Variants in C17orf75 observed in about 807,000 individuals in gnomAD.
C17orf75 encodes the protein chromosome 17 open reading frame 75.
In C17orf75, 32 loss-of-function variants were observed where a neutral mutation model predicts 49.6. The observed-to-expected ratio is 0.65, with a 90% CI of 0.49 to 0.87. C17orf75 has a LOEUF of 0.87. Ranked by LOEUF, C17orf75 falls within the 40% of genes least tolerant of loss-of-function variation. The pLI, the probability that C17orf75 is intolerant of heterozygous loss-of-function variation, is 0.00. For synonymous variants in C17orf75, 158 were observed against 159.5 expected (o/e 0.99, Z 0.07); for missense variants, 428 against 473.9 (o/e 0.90, Z 0.90).
chr17:32,334,636 C>A (rs375251296), intron 7 of C17orf75, 31 bp from the exon 8 acceptor site: 1 of 1,608,216 alleles, frequency 6.2e-7, no homozygotes, highest in Non-Finnish European at 8.5e-7. Flanking sequence ...TTTCCACAAA[C>A]AATATTGCAG....
chr17:32,337,039 T>C (rs2041332436), intron 5 of C17orf75, among the ~76,000 whole-genome samples: 1 of 152,120 alleles, frequency 6.6e-6, no homozygotes, highest in Non-Finnish European at 1.5e-5. Flanking sequence ...TGGTACCAGC[T>C]ACTTGGGAGG....
rs1422057043 is a variant in C17orf75 at position 32,339,866 on chromosome 17, A to G, written c.294T>C (p.Leu98=). Residue 98 remains leucine (L), a synonymous_variant, in exon 3 of 10, where the codon CTT becomes CTC. Transcript: ENST00000577809. ...PELRSFIAKR[L]SRGAVFEGLG... Reference sequence around the variant, plus strand: ...GCCCTTCAAAGACTGCACCTCTTGAAAGACGCTTAGCAATGAAACTGCGCA... The same window carrying G: ...GCCCTTCAAAGACTGCACCTCTTGAGAGACGCTTAGCAATGAAACTGCGCA... 6.2e-7 allele frequency: 1 copy of G among 1,613,914 alleles called. No homozygotes were observed. Among genetic ancestry groups the G allele is most frequent in the South Asian group, 1.1e-5 (1 of 91,088 alleles).
chr17:32,338,460 T>G, intron 3 of C17orf75, 109 bp from the exon 4 acceptor site: 1 of 1,089,938 alleles, frequency 9.2e-7, no homozygotes, highest in Non-Finnish European at 1.3e-6. Context: ...ACCATTAAAC[T>G]GCCCACTAAC....
chr17:32,333,481 A>T lies in C17orf75; in HGVS notation c.911T>A (p.Leu304Ter). 1.9e-6 allele frequency: 3 copies of T among 1,613,436 alleles called. No individual in the cohort carries two copies. The highest frequency in any genetic ancestry group is 2.5e-6 in the Non-Finnish European group (3 of 1,179,702). The change falls in exon 9 of 10, where the codon TTA (leucine) becomes TAA (stop). Residue 304 changes from leucine to a stop codon, truncating the protein, a stop_gained. Coordinates refer to ENST00000577809, the MANE Select transcript of C17orf75 (RefSeq NM_022344.4). LOFTEE classifies it high-confidence loss of function. ...RFCEDWMQAF[L>*]NGAKGGNPFL... ...AGGGTTACCTCCTTTGGCACCATTT[A>T]AAAAAGCTTGCATCCAATCCTCACA...
chr17:32,348,867 C>CTTTTTTTTTT (rs561014138), intron 1 of C17orf75, among the ~76,000 whole-genome samples: 50,110 of 105,572 alleles, frequency 0.47, 13,577 homozygotes, highest in African/African-American at 0.54. Context: ...CAGCTCCAGT[C>CTTTTTTTTTT]TTTTTTTTTT....
intron 8 of C17orf75, 93 bp from the exon 9 acceptor site, chr17:32,333,613 C>T (rs969233804): frequency 2.0e-5 from 23 of 1,133,646 alleles, no homozygotes; most frequent in East Asian, 1.2e-4. Context: ...TCTTGTTGCC[C>T]GGCTGGAGTG....
At chr17:32,343,868 A>G, upstream of C17orf75, 1 of 678,208 alleles carries the variant, frequency 1.5e-6, no homozygotes, top group Non-Finnish European at 2.7e-6. Flanking sequence ...AACTTCCTGG[A>G]GAGGTTGAGT....
At chr17:32,334,338 T>C (rs2041304809) in intron 8 of C17orf75, 131 bp downstream of exon 8, 2 of 1,184,132 alleles carry the variant, frequency 1.7e-6, no homozygotes, top group Admixed American at 6.8e-5. Context: ...CACCAAGTGG[T>C]TTCTCATGGT....
rs1393519455 is a variant in C17orf75 at position 32,333,436 on chromosome 17, A to G, written c.956T>C (p.Leu319Pro). Residue 319 changes from leucine to proline, a missense_variant, in exon 9 of 10, where the codon CTG becomes CCG. Physicochemically the swap from Leu to Pro is moderately conservative, Grantham distance 98. Transcript: ENST00000577809. The part of the protein sequence containing the change: ...GGNPFLFRQV[L>P]ENFKLKAIQD... ...AATTACCTTTAGTTTAAAGTTCTCC[A>G]GTACTTGTCGGAAAAGAAAAGGGTT... 6.2e-7 allele frequency: 1 copy of G among 1,612,086 alleles called. No homozygotes were observed. The highest frequency in any genetic ancestry group is 1.3e-5 in the African/African-American group (1 of 74,946).
intron 5 of C17orf75, among the ~76,000 whole-genome samples, chr17:32,335,798 T>G (rs1313848523): frequency 6.6e-6 from 1 of 152,200 alleles, no homozygotes; most frequent in Non-Finnish European, 1.5e-5. Flanking sequence ...TCAATAATCC[T>G]CATTTCCCTG....
intron 4 of C17orf75, 90 bp from the exon 5 acceptor site, chr17:32,338,044 G>C: frequency 6.6e-6 from 10 of 1,516,372 alleles, no homozygotes; most frequent in Non-Finnish European, 9.1e-6. Context: ...AATAATGTGA[G>C]CTGCAAATGC....
At position 32,342,098 on chromosome 17, in the gene C17orf75, C is replaced by A; in HGVS notation, c.42G>T (p.Lys14Asn). ...SLQESMDGDE[K>N]ELESSEEGGS... is the part of the protein sequence containing the mutation. ...CTCCCTCTTCGCTGCTCTCTAGTTC[C>A]TTTTCATCTCCATCCATCGACTCCT... Residue 14 changes from lysine to asparagine, a missense_variant, in exon 1 of 10, where the codon AAG (lysine) becomes AAT (asparagine). Lys to Asn is a moderately conservative substitution (Grantham distance 94). Transcript: ENST00000577809. 6.2e-7 allele frequency: 1 copy of A among 1,600,820 alleles called. No homozygotes were observed. Among genetic ancestry groups the A allele is most frequent in the South Asian group, 1.1e-5 (1 of 88,834 alleles).
At chr17:32,337,026 C>A (rs541548954) in intron 5 of C17orf75, among the ~76,000 whole-genome samples, 350 of 152,200 alleles carry the variant, frequency 2.3e-3, no homozygotes, top group Non-Finnish European at 4.3e-3. Context: ...TGGTGCATGC[C>A]TGTGGTACCA....
chr17:32,332,334 G>C lies in C17orf75; in HGVS notation c.976-356C>G, dbSNP rs569083109. On this transcript the variant is annotated intron_variant, in intron 9 of 9. Coordinates refer to ENST00000577809, the MANE Select transcript of C17orf75 (RefSeq NM_022344.4). ...ATTTTGTATTTTCAGTAGAGACGGG[G>C]TTTCACCATGTTGGTCAGGCTGGTC... Among the ~76,000 whole-genome samples, 11 of 152,150 alleles carry C rather than the reference G, an allele frequency of 7.2e-5. No homozygotes were observed. In the East Asian group the frequency reaches 2.1e-3, roughly 29 times the overall value.
At chr17:32,348,184 A>AT (rs879894719) in intron 1 of C17orf75, among the ~76,000 whole-genome samples, 71 of 150,248 alleles carry the variant, frequency 4.7e-4, no homozygotes, top group African/African-American at 1.3e-3. Context: ...CGCCTGGCTA[A>AT]TTTTTTTTTG....
chr17:32,348,205 TAAA>T (rs2041441674), intron 1 of C17orf75, among the ~76,000 whole-genome samples: 3 of 152,014 alleles, frequency 2.0e-5, no homozygotes, highest in Middle Eastern at 3.4e-3. Flanking sequence ...GTATTTTTAG[TAAA>T]GACCGGGTTT....
Position 32,330,843 on chromosome 17 carries a change from C to T in C17orf75, c.*920G>A, listed in dbSNP as rs1432392858. ...AAGGCGATTTCTGCAGTAGCTTTCT[C>T]TCAGAGATAATTATTTTTTTTTTTG... On this transcript the variant is annotated 3_prime_UTR_variant, in exon 10 of 10. Transcript: ENST00000577809. The T allele has an allele frequency of 1.3e-5, 2 of 152,114 alleles. No homozygotes were observed. Among genetic ancestry groups the T allele is most frequent in the African/African-American group, 2.4e-5 (1 of 41,412 alleles). The allele number at this position is 152,114 out of a possible 1,614,324, so 9.4% of individuals were successfully genotyped here.
intron 8 of C17orf75, 109 bp from the exon 9 acceptor site, chr17:32,333,629 G>A (rs927821210): frequency 5.7e-5 from 54 of 945,080 alleles, no homozygotes; most frequent in African/African-American, 3.2e-4. Flanking sequence ...GAGTGCAGCC[G>A]GAGTACTAAC....
rs2041263518 is a variant in C17orf75, at chr17:32,330,328, T to TGTCA, written c.*1431_*1434dup. ...TGTAGAGGAGAAAGCAGAAGGCCATTGTCAGTCATTTTGAAAGTTAAAACT... is the reference window on the plus strand; with the variant it reads ...TGTAGAGGAGAAAGCAGAAGGCCATTGTCAGTCAGTCATTTTGAAAGTTAAAACT... On this transcript the variant is annotated 3_prime_UTR_variant, in exon 10 of 10. Coordinates refer to ENST00000577809, the MANE Select transcript of C17orf75 (RefSeq NM_022344.4). The TGTCA allele has an allele frequency of 2.0e-5, 3 of 152,200 alleles. No homozygotes were observed. The highest frequency in any genetic ancestry group is 4.1e-4 in the South Asian group (2 of 4,830). 9.4% of individuals were successfully genotyped at this position (152,200 alleles called of 1,614,324 possible).
Sources: allele counts gnomAD v4.1 joint callset (sites outside exome capture counted in the v4.1 genomes callset), GRCh38; gene constraint gnomAD v4.1.1; transcripts MANE v1.5; gene names NCBI Gene and HGNC (gene_info 2026-07-23, HGNC 2026-07-21).